ADARB1: variants seen among roughly 807,000 people sequenced by gnomAD.
ADARB1 encodes the protein double-stranded RNA-specific editase 1.
In ADARB1, 10 loss-of-function variants were observed where a neutral mutation model predicts 52.4. The ratio of observed to expected loss-of-function variants is 0.19; its 90% CI spans 0.12 to 0.32. The LOEUF (loss-of-function observed/expected upper bound fraction) is 0.32. Among genes scored for constraint, ADARB1 ranks in the 10% least tolerant of loss-of-function variants. The pLI, the probability that ADARB1 is intolerant of heterozygous loss-of-function variation, is 1.00. For missense variants in ADARB1, 643 were observed against 922.3 expected, an observed-to-expected ratio of 0.70 and a Z score of 3.92; for synonymous variants, 349 against 371.1, an observed-to-expected ratio of 0.94 and a Z score of 0.68.
intron 1 of ADARB1, among the ~76,000 whole-genome samples, chr21:45,081,936 C>T (rs374236921): frequency 3.3e-5 from 5 of 152,174 alleles, no homozygotes; most frequent in East Asian, 3.8e-4. Flanking sequence ...CTCAAGAGTG[C>T]AACAGGAAGA....
At chr21:45,134,412 G>GGTGTGTGCGCCCGATGGGT (rs1439841046) in intron 2 of ADARB1, among the ~76,000 whole-genome samples, 21 of 151,534 alleles carry the variant, frequency 1.4e-4, no homozygotes, top group Non-Finnish European at 2.5e-4. Context: ...GCCCGACAGT[G>GGTGTGTGCGCCCGATGGGT]GTGTGTGCGC....
At chr21:45,213,097 T>A (rs1249700766) in intron 9 of ADARB1, among the ~76,000 whole-genome samples, 1 of 152,138 alleles carries the variant, frequency 6.6e-6, no homozygotes, top group Non-Finnish European at 1.5e-5. Context: ...TCAGATAACT[T>A]GGAACAGAAA....
chr21:45,136,940 A>G (rs1216424053), intron 2 of ADARB1: 1 of 152,276 alleles, frequency 6.6e-6, no homozygotes, highest in Admixed American at 6.5e-5. Context: ...CCCAGTTTAT[A>G]TGTGGCTTTA....
At chr21:45,118,526 C>T (rs2087956628) in intron 1 of ADARB1, 1 of 152,142 alleles carries the variant, frequency 6.6e-6, no homozygotes, top group African/African-American at 2.4e-5. Flanking sequence ...GTATAATTTT[C>T]CTTTTGAAAT....
At chr21:45,082,205 G>A (rs2086180978) in intron 1 of ADARB1, among the ~76,000 whole-genome samples, 1 of 152,166 alleles carries the variant, frequency 6.6e-6, no homozygotes, top group African/African-American at 2.4e-5. Context: ...AGTCTGCAAA[G>A]CAGTTGTCAT....
At chr21:45,164,904 A>T (rs1208959416) in intron 2 of ADARB1, among the ~76,000 whole-genome samples, 1 of 152,078 alleles carries the variant, frequency 6.6e-6, no homozygotes, top group Non-Finnish European at 1.5e-5. Flanking sequence ...GAGGGGAGAG[A>T]GAACCAGGTA....
chr21:45,225,400 A>G lies in ADARB1; in HGVS notation c.*3203A>G. ...TGGAGAATTTTTTGTAATTAAAAGC[A>G]ATTATTTTAAAATGTGCAAGCCAGT... On this transcript the variant is annotated 3_prime_UTR_variant, in exon 11 of 11. Transcript: ENST00000348831. 1.6e-6 allele frequency: 2 copies of G among 1,288,104 alleles called. No individual in the cohort carries two copies. Among genetic ancestry groups the G allele is most frequent in the Non-Finnish European group, 2.0e-6 (2 of 1,016,108 alleles). The allele number at this position is 1,288,104 out of a possible 1,614,324, so 79.8% of individuals were successfully genotyped here.
Position 45,157,251 on chromosome 21 carries a change from C to T in ADARB1, c.-47-14359C>T, listed in dbSNP as rs1309684548. Among the ~76,000 whole-genome samples the T allele has an allele frequency of 6.6e-6, 1 of 152,220 alleles. No individual in the cohort carries two copies. The highest frequency in any genetic ancestry group is 1.9e-4 in the East Asian group (1 of 5,204). ...ATGTAGAAGTAGATTTGTGAAATTG[C>T]ACTTGAAATACCATGGAAATTGGAT... On this transcript the variant is annotated intron_variant, in intron 2 of 10. Transcript: ENST00000348831. The surrounding 1 kb of genome is among the most constrained non-coding windows in gnomAD (Gnocchi z 4.1).
chr21:45,114,026 G>A (rs934292079), intron 1 of ADARB1, among the ~76,000 whole-genome samples: 1 of 152,096 alleles, frequency 6.6e-6, no homozygotes, highest in African/African-American at 2.4e-5. Context: ...ACACATATGT[G>A]GCATTAAGTG....
chr21:45,101,489 C>T (rs1034075855), intron 1 of ADARB1, among the ~76,000 whole-genome samples: 31 of 152,206 alleles, frequency 2.0e-4, no homozygotes, highest in African/African-American at 7.0e-4. Flanking sequence ...GAGGCTTTGA[C>T]GTTATGATTA....
intron 2 of ADARB1, 44 bp from the exon 3 acceptor site, chr21:45,171,566 C>G (rs769857545): frequency 1.7e-5 from 20 of 1,203,930 alleles, no homozygotes; most frequent in Non-Finnish European, 2.4e-5. Context: ...TCATATTACT[C>G]CTGTCATAGG....
intron 4 of ADARB1, chr21:45,177,526 C>A (rs2091751946): frequency 6.6e-6 from 1 of 152,232 alleles, no homozygotes; most frequent in African/African-American, 2.4e-5. Context: ...CTAAAACTCT[C>A]TGATTATGTA....
intron 8 of ADARB1, among the ~76,000 whole-genome samples, chr21:45,189,737 T>G (rs1026223939): frequency 6.6e-6 from 1 of 152,026 alleles, no homozygotes; most frequent in African/African-American, 2.4e-5. Context: ...AGGGTTGTTT[T>G]TTTTTTTTTT....
rs989133632 is a variant in ADARB1, at chr21:45,223,089, T to A, written c.*892T>A. The A allele has an allele frequency of 8.1e-6, 8 of 985,372 alleles. No individual in the cohort carries two copies. In the African/African-American group the frequency reaches 1.0e-4, roughly 13 times the overall value. The allele number at this position is 985,372 out of a possible 1,614,324, so 61.0% of individuals were successfully genotyped here. On this transcript the variant is annotated 3_prime_UTR_variant, in exon 11 of 11. Coordinates refer to ENST00000348831, the MANE Select transcript of ADARB1 (RefSeq NM_001112.4). Reference sequence around the variant, plus strand: ...ATGGACTAGAAGGAATCACGAGGGCTACTGCACAATACATGGCCTAAGTTC... The same window carrying A: ...ATGGACTAGAAGGAATCACGAGGGCAACTGCACAATACATGGCCTAAGTTC...
chr21:45,139,916 G>A (rs2089618462), intron 2 of ADARB1, among the ~76,000 whole-genome samples: 1 of 136,622 alleles, frequency 7.3e-6, no homozygotes, highest in Admixed American at 7.4e-5. Context: ...GAGGTAAAAT[G>A]TACAGACAAT....
chr21:45,095,558 TGCTGTTTCAGGGTTCTGCATCCC>T lies in ADARB1; in HGVS notation c.-220+20802_-220+20824del, dbSNP rs1294652699. ...CCCGCTGTTTCAGGGTTCTGCATCC[TGCTGTTTCAGGGTTCTGCATCCC>T]GCTGTTTCAGGGTTCTGCATCCCGC... On this transcript the variant is annotated intron_variant, in intron 1 of 10. Coordinates refer to ENST00000348831, the MANE Select transcript of ADARB1 (RefSeq NM_001112.4). Among the ~76,000 whole-genome samples, 468 of 152,060 alleles carry T rather than the reference TGCTGTTTCAGGGTTCTGCATCCC, an allele frequency of 3.1e-3. 1 individual carries two copies. Among genetic ancestry groups the T allele is most frequent in the Non-Finnish European group, 4.4e-3 (298 of 67,954 alleles).
rs141528721 is a variant in ADARB1, at chr21:45,197,240, G to A, written c.1566-7315G>A. ...GATATGGCCAGGCGTGGTGGCTCAC[G>A]CCTGTAATCCCAACTCTTTGGGAGG... On this transcript the variant is annotated intron_variant, in intron 8 of 10. Coordinates refer to ENST00000348831, the MANE Select transcript of ADARB1 (RefSeq NM_001112.4). 1.8e-3 allele frequency among the ~76,000 whole-genome samples: 269 copies of A among 151,834 alleles called. 4 individuals are homozygous for A. The East Asian group carries it at 0.047, about 26-fold the overall frequency.
chr21:45,210,628 C>A (rs982219972), intron 9 of ADARB1, among the ~76,000 whole-genome samples: 1 of 152,232 alleles, frequency 6.6e-6, no homozygotes, highest in South Asian at 2.1e-4. Context: ...CCGGGCCTGC[C>A]GTCACCCTTC....
intron 8 of ADARB1, among the ~76,000 whole-genome samples, chr21:45,191,389 C>G (rs2146263813): frequency 6.6e-6 from 1 of 152,294 alleles, no homozygotes; most frequent in Middle Eastern, 3.4e-3. Context: ...ACTGAAGTTT[C>G]TCCATGATGT....
Sources: allele counts gnomAD v4.1 joint callset (sites outside exome capture counted in the v4.1 genomes callset), GRCh38; gene constraint gnomAD v4.1.1; non-coding constraint Gnocchi (gnomAD v3.1); transcripts MANE v1.5; gene names NCBI Gene and HGNC (gene_info 2026-07-23, HGNC 2026-07-21).